FMO4: variants seen among roughly 807,000 people sequenced by gnomAD.
FMO4 encodes the protein flavin containing dimethylaniline monoxygenase 4.
In FMO4, 38 loss-of-function variants were observed where a neutral mutation model predicts 43.3. The observed-to-expected ratio is 0.88, with a 90% CI of 0.68 to 1.15. The LOEUF (loss-of-function observed/expected upper bound fraction) is 1.15, where lower values mean the gene tolerates loss of function less well. Ranked by LOEUF, FMO4 falls within the 50% of genes most tolerant of loss-of-function variation. The pLI is 0.00. For missense variants in FMO4, 631 were observed against 663.3 expected (o/e 0.95, Z 0.54); for synonymous variants, 224 against 232.2 (o/e 0.96, Z 0.32).
At position 171,316,230 on chromosome 1, in the gene FMO4, G is replaced by C. The variant is rs953826138; in HGVS notation, c.-106G>C. 1 of 152,156 alleles carries C rather than the reference G, an allele frequency of 6.6e-6. No individual in the cohort carries two copies. Among genetic ancestry groups the C allele is most frequent in the Non-Finnish European group, 1.5e-5 (1 of 68,018 alleles). 9.4% of individuals were successfully genotyped at this position (152,156 alleles called of 1,614,324 possible). A position where few individuals can be genotyped will look rare whatever the true frequency, so the allele number is the denominator to read the frequency against. Reference sequence around the variant, plus strand: ...TCTGCCAGCCCCAGGCCTCTACCTAGTGGCCTGGAAATTCAAGTATTCTTA... The same window carrying C: ...TCTGCCAGCCCCAGGCCTCTACCTACTGGCCTGGAAATTCAAGTATTCTTA... On this transcript the variant is annotated 5_prime_UTR_variant, in exon 2 of 10. Transcript: ENST00000367749.
Position 171,319,941 on chromosome 1 carries a change from G to A in FMO4, c.116G>A (p.Gly39Glu), listed in dbSNP as rs144010968. 3.1e-6 allele frequency: 5 copies of A among 1,613,696 alleles called. No homozygotes were observed. The highest frequency in any genetic ancestry group is 4.5e-5 in the East Asian group (2 of 44,890). The change falls in exon 3 of 10, where the codon GGA (glycine) becomes GAA (glutamate). Residue 39 changes from glycine (G) to glutamate (E), a missense_variant. By Grantham distance (98) the Gly-to-Glu change is moderately conservative (BLOSUM62 -2). Transcript: ENST00000367749. ...TTTGAGAGAAGTGATGACATTGGGG[G>A]ATTATGGAAGTTTACTGTACGTGGT... is the stretch of plus-strand genomic sequence containing the variant. ...TCFERSDDIG[G>E]LWKFTESSKD...
At chr1:171,336,670 C>A (rs1208964761) in intron 8 of FMO4, among the ~76,000 whole-genome samples, 1 of 152,118 alleles carries the variant, frequency 6.6e-6, no homozygotes, top group Non-Finnish European at 1.5e-5. Context: ...GTGGCGTGAT[C>A]ATGGCTCACT....
At position 171,332,779 on chromosome 1, in the gene FMO4, TG is replaced by T; in HGVS notation, c.699del (p.Met233IlefsTer20). 6.2e-7 allele frequency: 1 copy of T among 1,612,836 alleles called. No homozygotes were observed. The highest frequency in any genetic ancestry group is 8.5e-7 in the Non-Finnish European group (1 of 1,178,910). On this transcript the variant is annotated frameshift_variant, in exon 7 of 10. Coordinates refer to ENST00000367749, the MANE Select transcript of FMO4 (RefSeq NM_002022.3). LOFTEE classifies it high-confidence loss of function. ...TCAGATTGGGGCTATCCTTATAATA[TG>T]ATGGTTACAAGAAGATGCTGTAGTT... is the stretch of plus-strand genomic sequence containing the variant. ...RSSDWGYPYN[M>X]MVTRRCCSFI... is the part of the protein sequence containing the mutation.
rs562361573 is a variant in FMO4 at position 171,329,638 on chromosome 1, C to T, written c.485-2002C>T. Among the ~76,000 whole-genome samples, 16 of 152,274 alleles carry T rather than the reference C, an allele frequency of 1.1e-4. No homozygotes were observed. In the East Asian group the frequency reaches 2.1e-3, roughly 20 times the overall value. On this transcript the variant is annotated intron_variant, in intron 5 of 9. Coordinates refer to ENST00000367749, the MANE Select transcript of FMO4 (RefSeq NM_002022.3). ...CTGTAGACCCCAAACATGAAGGTCT[C>T]GCTCAGAGTGGTCTCCTTGAAGCCC...
chr1:171,330,453 G>A (rs1430636755), intron 5 of FMO4, among the ~76,000 whole-genome samples: 1 of 152,152 alleles, frequency 6.6e-6, no homozygotes, highest in Non-Finnish European at 1.5e-5. Context: ...CCCAAGACTG[G>A]GTAATTCATA....
chr1:171,323,174 G>A lies in FMO4; in HGVS notation c.303G>A (p.Leu101=). Residue 101 remains leucine, a synonymous_variant, in exon 4 of 10, where the codon CTG becomes CTA. Transcript: ENST00000367749. ...AATTTGCTGAGCACTTTGACCTCCTGAAATACATTCAGTTTAAGGTAAGAT... is the reference window on the plus strand; with the variant it reads ...AATTTGCTGAGCACTTTGACCTCCTAAAATACATTCAGTTTAAGGTAAGAT... ...LQEFAEHFDL[L]KYIQFKTTVC... The A allele has an allele frequency of 6.2e-7, 1 of 1,612,774 alleles. No homozygotes were observed. The highest frequency in any genetic ancestry group is 8.5e-7 in the Non-Finnish European group (1 of 1,179,026).
intron 3 of FMO4, 88 bp downstream of exon 3, chr1:171,320,045 A>G: frequency 6.9e-7 from 1 of 1,453,362 alleles, no homozygotes. Flanking sequence ...TTGGTGATCA[A>G]GTAAGGGAGT....
At chr1:171,337,314 A>T in intron 8 of FMO4, 42 bp from the exon 9 acceptor site, 1 of 1,349,918 alleles carries the variant, frequency 7.4e-7, no homozygotes, top group Non-Finnish European at 1.1e-6. Context: ...ATAAAGGAAA[A>T]GCCACATGTG....
At chr1:171,337,100 G>C (rs1045165039) in intron 8 of FMO4, among the ~76,000 whole-genome samples, 1 of 152,190 alleles carries the variant, frequency 6.6e-6, no homozygotes, top group African/African-American at 2.4e-5. Context: ...TGTCTGGTGA[G>C]TGTGGCGCAG....
chr1:171,314,996 A>G (rs1211341693), intron 1 of FMO4, among the ~76,000 whole-genome samples: 1 of 152,116 alleles, frequency 6.6e-6, no homozygotes, highest in Non-Finnish European at 1.5e-5. Context: ...AAGGGACTAA[A>G]TATAAGCAAC....
In FMO4 at chr1:171,334,720, A is replaced by T. The variant is rs905278781; in HGVS notation, c.1137A>T (p.Ser379=). 1.2e-6 allele frequency: 2 copies of T among 1,603,262 alleles called. No individual in the cohort carries two copies. The highest frequency in any genetic ancestry group is 1.7e-5 in the Admixed American group (1 of 57,300). Residue 379 remains serine, a synonymous_variant, in exon 8 of 10, where the codon TCA becomes TCT. Coordinates refer to ENST00000367749, the MANE Select transcript of FMO4 (RefSeq NM_002022.3). ...GLIGLKGSIL[S]GTELQARWVT... is the part of the protein sequence containing the mutation. Reference sequence around the variant, plus strand: ...TCGGCCTTAAAGGATCCATCTTATCAGGCACAGAGCTCCAAGCACGATGGG... The same window carrying T: ...TCGGCCTTAAAGGATCCATCTTATCTGGCACAGAGCTCCAAGCACGATGGG...
At chr1:171,329,005 T>C (rs143944964) in intron 5 of FMO4, among the ~76,000 whole-genome samples, 1 of 152,210 alleles carries the variant, frequency 6.6e-6, no homozygotes, top group East Asian at 1.9e-4. Flanking sequence ...ATGTAAAAGC[T>C]TCTCCCTCCA....
In FMO4 at chr1:171,341,942, C is replaced by T. The variant is rs1663395651; in HGVS notation, c.*103C>T. ...CATCATAACTGCTATTAGCCAAATT[C>T]AGGCCCAGTCATCTCCTATCTGAAT... On this transcript the variant is annotated 3_prime_UTR_variant, in exon 10 of 10. Coordinates refer to ENST00000367749, the MANE Select transcript of FMO4 (RefSeq NM_002022.3). The T allele has an allele frequency of 1.2e-6, 1 of 802,214 alleles. No individual in the cohort carries two copies. The allele number at this position is 802,214 out of a possible 1,614,324, so 49.7% of individuals were successfully genotyped here. A position where few individuals can be genotyped will look rare whatever the true frequency, so the allele number is the denominator to read the frequency against.
At chr1:171,321,094 T>C (rs954361776) in intron 3 of FMO4, among the ~76,000 whole-genome samples, 5 of 152,118 alleles carry the variant, frequency 3.3e-5, no homozygotes, top group Non-Finnish European at 7.4e-5. Flanking sequence ...CCACCAAATG[T>C]TAATGTGGAA....
intron 9 of FMO4, among the ~76,000 whole-genome samples, chr1:171,338,045 G>A (rs1663193901): frequency 6.6e-6 from 1 of 152,072 alleles, no homozygotes; most frequent in African/African-American, 2.4e-5. Context: ...CATCTGCCCT[G>A]TAAATGGGCT....
chr1:171,331,586 T>G, intron 5 of FMO4, 54 bp from the exon 6 acceptor site: 8 of 1,568,558 alleles, frequency 5.1e-6, no homozygotes, highest in Non-Finnish European at 6.1e-6. Context: ...CCCTGCGTAG[T>G]GAGAAATTAT....
chr1:171,330,921 A>T (rs916890478), intron 5 of FMO4, among the ~76,000 whole-genome samples: 5 of 152,234 alleles, frequency 3.3e-5, no homozygotes, highest in African/African-American at 4.8e-5. Context: ...ACAAGAGTAA[A>T]TAACATAAGA....
intron 2 of FMO4, among the ~76,000 whole-genome samples, chr1:171,318,025 T>C (rs891170962): frequency 4.6e-5 from 7 of 152,048 alleles, no homozygotes; most frequent in African/African-American, 1.2e-4. Flanking sequence ...TCCAAAATAC[T>C]TGGGACCAGG....
rs150724060 is a variant in FMO4, at chr1:171,341,588, C to T, written c.1426C>T (p.Pro476Ser). 1 of 1,613,800 alleles carries T rather than the reference C, an allele frequency of 6.2e-7. No individual in the cohort carries two copies. The highest frequency in any genetic ancestry group is 1.3e-5 in the African/African-American group (1 of 74,852). ...TCCTTATCAGTACCGCCTCATGGGCCCTGGAAAATGGGATGGAGCCAGAAA... is the reference window on the plus strand; with the variant it reads ...TCCTTATCAGTACCGCCTCATGGGCTCTGGAAAATGGGATGGAGCCAGAAA... ...CTPYQYRLMG[P>S]GKWDGARNAI... is the part of the protein sequence containing the mutation. Residue 476 changes from proline to serine, a missense_variant, in exon 10 of 10, where the codon CCT (proline) becomes TCT (serine). Coordinates refer to ENST00000367749, the MANE Select transcript of FMO4 (RefSeq NM_002022.3).
Sources: gnomAD v4.1 joint callset for allele counts (sites outside exome capture counted in the v4.1 genomes callset) on GRCh38, gnomAD v4.1.1 for gene constraint, MANE v1.5 for transcripts, NCBI Gene and HGNC (gene_info 2026-07-23, HGNC 2026-07-21) for gene names.